The following TMEFF2 variants were observed in gnomAD, a reference collection of about 807,000 sequenced individuals.
TMEFF2 encodes the protein transmembrane protein with EGF like and two follistatin like domains 2, also known as tomoregulin-2.
TMEFF2 carries 28 observed loss-of-function variants against 53.8 expected under a neutral mutation model. The observed-to-expected ratio is 0.52, with a 90% CI of 0.39 to 0.71. TMEFF2 has a LOEUF of 0.71. TMEFF2 is among the 30% of genes least tolerant of loss of function. The pLI, the probability that TMEFF2 is intolerant of heterozygous loss-of-function variation, is 0.00. For missense variants in TMEFF2, 353 were observed against 455.2 expected, an observed-to-expected ratio of 0.78 and a Z score of 2.04; for synonymous variants, 162 against 166.3, an observed-to-expected ratio of 0.97 and a Z score of 0.20.
At chr2:192,133,179 G>A (rs558289101) in intron 4 of TMEFF2, among the ~76,000 whole-genome samples, 2 of 152,152 alleles carry the variant, frequency 1.3e-5, no homozygotes, top group South Asian at 2.1e-4. Context: ...TTATTAGGCG[G>A]AGACACTTTA....
At chr2:192,024,915 C>T (rs1686936650) in intron 5 of TMEFF2, among the ~76,000 whole-genome samples, 1 of 152,132 alleles carries the variant, frequency 6.6e-6, no homozygotes, top group African/African-American at 2.4e-5. Context: ...GGATAATTTC[C>T]TATAACCACA....
chr2:192,120,809 TCAC>T (rs1461024055), intron 4 of TMEFF2, among the ~76,000 whole-genome samples: 1 of 151,954 alleles, frequency 6.6e-6, no homozygotes, highest in Admixed American at 6.6e-5. Flanking sequence ...CAATCTCAGC[TCAC>T]CACAACCTCC....
At chr2:192,088,620 AATACTCATGT>A in intron 4 of TMEFF2, among the ~76,000 whole-genome samples, 1 of 152,130 alleles carries the variant, frequency 6.6e-6, no homozygotes, top group Non-Finnish European at 1.5e-5. Flanking sequence ...TATTTTCTGA[AATACTCATGT>A]ATTCTTTGCT....
At chr2:192,068,758 G>A (rs1688220959) in intron 4 of TMEFF2, among the ~76,000 whole-genome samples, 1 of 151,798 alleles carries the variant, frequency 6.6e-6, no homozygotes, top group African/African-American at 2.4e-5. Flanking sequence ...TAACTTCTAA[G>A]TCGAGGTAAA....
At chr2:191,995,779 A>G (rs902906067) in intron 7 of TMEFF2, among the ~76,000 whole-genome samples, 2 of 152,018 alleles carry the variant, frequency 1.3e-5, no homozygotes, top group African/African-American at 4.8e-5. Context: ...TATGCAATCT[A>G]TGTTTAACTA....
chr2:191,982,884 A>G (rs1685887002), intron 7 of TMEFF2, among the ~76,000 whole-genome samples: 1 of 152,282 alleles, frequency 6.6e-6, no homozygotes, highest in Non-Finnish European at 1.5e-5. Flanking sequence ...CAAGATAGAA[A>G]TATGGTGGAT....
At chr2:192,014,687 C>T (rs60208291) in intron 5 of TMEFF2, among the ~76,000 whole-genome samples, 2,118 of 152,232 alleles carry the variant, frequency 0.014, 48 homozygotes, top group African/African-American at 0.047. Flanking sequence ...ATCTGACTTC[C>T]GATTATACTT....
At chr2:192,166,265 T>C (rs1690764113) in intron 4 of TMEFF2, among the ~76,000 whole-genome samples, 1 of 152,194 alleles carries the variant, frequency 6.6e-6, no homozygotes, top group Non-Finnish European at 1.5e-5. Flanking sequence ...GGTATGGGAA[T>C]TGTTCTTACA....
chr2:191,999,050 T>C lies in TMEFF2; in HGVS notation c.685+10A>G, dbSNP rs374084669. 14 of 1,586,752 alleles carry C rather than the reference T, an allele frequency of 8.8e-6. No individual in the cohort carries two copies. The African/African-American group carries it at 1.9e-4, about 21-fold the overall frequency. On this transcript the variant is annotated intron_variant, in intron 6 of 9. Transcript: ENST00000272771. ...TCATTCTTTGAAATGAATTTTGGTATGAACATTACCTTGACATCGACCCAA... is the reference window on the plus strand; with the variant it reads ...TCATTCTTTGAAATGAATTTTGGTACGAACATTACCTTGACATCGACCCAA...
At chr2:192,170,568 A>G (rs2106023023) in intron 4 of TMEFF2, among the ~76,000 whole-genome samples, 1 of 152,198 alleles carries the variant, frequency 6.6e-6, no homozygotes, top group South Asian at 2.1e-4. Flanking sequence ...GAAACGAGTA[A>G]GAATGCAGCT....
At chr2:192,058,469 G>T (rs772741544) in intron 4 of TMEFF2, among the ~76,000 whole-genome samples, 13 of 152,032 alleles carry the variant, frequency 8.6e-5, no homozygotes, top group Admixed American at 6.6e-5. Context: ...CACTGATAAT[G>T]ATGATTGATA....
At chr2:191,954,718 A>G (rs1692010924) in intron 8 of TMEFF2, among the ~76,000 whole-genome samples, 1 of 152,150 alleles carries the variant, frequency 6.6e-6, no homozygotes, top group Non-Finnish European at 1.5e-5. Context: ...AAAAGTAAGT[A>G]TGACGTAGGC....
chr2:191,952,053 C>CTGCCCTTGT (rs1454733302), intron 9 of TMEFF2, among the ~76,000 whole-genome samples: 11 of 152,304 alleles, frequency 7.2e-5, no homozygotes, highest in Middle Eastern at 3.4e-3. Context: ...GACACCATTG[C>CTGCCCTTGT]TGCCCTTGTT....
chr2:192,075,332 T>TATATACACACACAC (rs796267672), intron 4 of TMEFF2, among the ~76,000 whole-genome samples: 1 of 88,144 alleles, frequency 1.1e-5, no homozygotes, highest in East Asian at 7.4e-4. Flanking sequence ...TATATATATA[T>TATATACACACACAC]ACATACATAC....
At chr2:192,174,625 C>T (rs1690993477) in intron 4 of TMEFF2, among the ~76,000 whole-genome samples, 1 of 151,714 alleles carries the variant, frequency 6.6e-6, no homozygotes, top group African/African-American at 2.4e-5. Flanking sequence ...AACAGCAGCT[C>T]TCAGGTGTGG....
At chr2:191,976,410 A>T (rs1431249276) in intron 7 of TMEFF2, among the ~76,000 whole-genome samples, 1 of 152,216 alleles carries the variant, frequency 6.6e-6, no homozygotes, top group African/African-American at 2.4e-5. Flanking sequence ...TCAAACGAAT[A>T]AAAAGGAACC....
At chr2:192,052,472 CTGAGA>C in intron 5 of TMEFF2, among the ~76,000 whole-genome samples, 1 of 152,276 alleles carries the variant, frequency 6.6e-6, no homozygotes, top group East Asian at 1.9e-4. Context: ...TTTGGACTTA[CTGAGA>C]TAATTTATCA....
chr2:192,001,258 T>A (rs1370506705), intron 5 of TMEFF2, among the ~76,000 whole-genome samples: 2 of 152,180 alleles, frequency 1.3e-5, no homozygotes, highest in Non-Finnish European at 2.9e-5. Context: ...TTCTGTCACT[T>A]GTCTACCTAA....
At chr2:192,121,460 A>G (rs1383860849) in intron 4 of TMEFF2, among the ~76,000 whole-genome samples, 1 of 152,106 alleles carries the variant, frequency 6.6e-6, no homozygotes, top group Non-Finnish European at 1.5e-5. Context: ...GGGAAGGAGG[A>G]GGTGGAAGGA....
Sources: allele counts gnomAD v4.1 joint callset (sites outside exome capture counted in the v4.1 genomes callset), GRCh38; gene constraint gnomAD v4.1.1; transcripts MANE v1.5; gene names NCBI Gene and HGNC (gene_info 2026-07-23, HGNC 2026-07-21).